Variants in PPARGC1A observed in about 807,000 individuals in gnomAD.
The protein encoded by PPARGC1A is PPARG coactivator 1 alpha.
PPARGC1A carries 25 observed loss-of-function variants against 88.7 expected under a neutral mutation model. The observed-to-expected ratio is 0.28, with a 90% CI of 0.21 to 0.39. The LOEUF is 0.39. Among genes scored for constraint, PPARGC1A ranks in the 10% least tolerant of loss-of-function variants. The pLI is 1.00. For missense variants in PPARGC1A, 880 were observed against 968.7 expected (o/e 0.91, Z 1.22); for synonymous variants, 363 against 355.6 (o/e 1.02, Z -0.24).
At chr4:23,932,606 TA>T in the PPARGC1A span, among the ~76,000 whole-genome samples, 1 of 151,734 alleles carries the variant, frequency 6.6e-6, no homozygotes. Flanking sequence ...AGTGTTTTTT[TA>T]AAAAAATAAA....
chr4:24,391,261 A>AT, the PPARGC1A span, among the ~76,000 whole-genome samples: 1 of 152,182 alleles, frequency 6.6e-6, no homozygotes, highest in Non-Finnish European at 1.5e-5. Context: ...CACGTGTTAC[A>AT]TACATATTCA....
At chr4:23,923,201 T>C in the PPARGC1A span, among the ~76,000 whole-genome samples, 1 of 150,612 alleles carries the variant, frequency 6.6e-6, no homozygotes, top group Admixed American at 6.7e-5. Context: ...TGGTTTTGAG[T>C]GTGAGGAAAG....
the PPARGC1A span, among the ~76,000 whole-genome samples, chr4:23,941,475 C>T: frequency 6.6e-6 from 1 of 152,068 alleles, no homozygotes; most frequent in South Asian, 2.1e-4. Context: ...ATCAGATGGG[C>T]CACTGATATA....
chr4:23,882,857 A>T (rs1403016835), intron 2 of PPARGC1A: 1 of 152,118 alleles, frequency 6.6e-6, no homozygotes, highest in Non-Finnish European at 1.5e-5. Context: ...ATATAGGGAC[A>T]TAAAAGTTAT....
chr4:24,457,832 G>A, the PPARGC1A span, among the ~76,000 whole-genome samples: 1 of 152,034 alleles, frequency 6.6e-6, no homozygotes, highest in African/African-American at 2.4e-5. Context: ...CAAAGTGCTG[G>A]GATTACAGGC....
At chr4:23,954,924 C>CTGCT in the PPARGC1A span, among the ~76,000 whole-genome samples, 1 of 152,060 alleles carries the variant, frequency 6.6e-6, no homozygotes, top group African/African-American at 2.4e-5. Flanking sequence ...TCCTGTTTTA[C>CTGCT]TGCTGTCTTG....
At chr4:24,024,176 C>T in the PPARGC1A span, among the ~76,000 whole-genome samples, 76 of 152,286 alleles carry the variant, frequency 5.0e-4, no homozygotes, top group Middle Eastern at 6.8e-3. Context: ...GGCTTCTGAT[C>T]CTGCCAGGAT....
At chr4:24,239,865 G>A in the PPARGC1A span, among the ~76,000 whole-genome samples, 1 of 152,100 alleles carries the variant, frequency 6.6e-6, no homozygotes, top group Non-Finnish European at 1.5e-5. Context: ...GGGAACGGGT[G>A]GGTTTGTGTT....
the PPARGC1A span, among the ~76,000 whole-genome samples, chr4:24,432,182 T>A: frequency 6.6e-6 from 1 of 152,098 alleles, no homozygotes; most frequent in African/African-American, 2.4e-5. Context: ...AGCAAAATTG[T>A]AAGGTAGCGG....
At chr4:23,998,655 A>G in the PPARGC1A span, among the ~76,000 whole-genome samples, 27,981 of 152,220 alleles carry the variant, frequency 0.18, 3,137 homozygotes, top group Admixed American at 0.34. Context: ...AAGTTAGAGT[A>G]CATGGGCCAG....
At chr4:23,991,888 A>G in the PPARGC1A span, among the ~76,000 whole-genome samples, 1 of 152,124 alleles carries the variant, frequency 6.6e-6, no homozygotes, top group East Asian at 1.9e-4. Flanking sequence ...AAAAATAGCA[A>G]GAAATCTTAG....
Position 23,814,605 on chromosome 4 carries a change from C to G in PPARGC1A, c.878G>C (p.Gly293Ala). Reference sequence around the variant, plus strand: ...AGGAGGAGTGGTGGGTGGAGTTAGGCCTAAGGCAAAAATTAAAAAAAAAAA... The same window carrying G: ...AGGAGGAGTGGTGGGTGGAGTTAGGGCTAAGGCAAAAATTAAAAAAAAAAA... ...TLSVELSGTA[G>A]LTPPTTPPHK... Residue 293 changes from glycine to alanine, a missense_variant and splice_region_variant, in exon 8 of 13, where the codon GGC becomes GCC. Physicochemically the swap from Gly to Ala is moderately conservative, Grantham distance 60. Transcript: ENST00000264867. 6.9e-7 allele frequency: 1 copy of G among 1,458,652 alleles called. No homozygotes were observed. Among genetic ancestry groups the G allele is most frequent in the Non-Finnish European group, 9.0e-7 (1 of 1,111,244 alleles). 90.4% of individuals were successfully genotyped at this position (1,458,652 alleles called of 1,614,324 possible).
chr4:24,421,359 G>A, the PPARGC1A span, among the ~76,000 whole-genome samples: 1 of 149,306 alleles, frequency 6.7e-6, no homozygotes, highest in Admixed American at 6.7e-5. Flanking sequence ...CGCCCAGGCT[G>A]GAGTGCAGTG....
chr4:24,177,420 A>G, the PPARGC1A span, among the ~76,000 whole-genome samples: 2 of 151,298 alleles, frequency 1.3e-5, no homozygotes, highest in African/African-American at 4.9e-5. Flanking sequence ...GAGCAATGAG[A>G]ACACACGGAC....
At chr4:23,995,085 T>C in the PPARGC1A span, among the ~76,000 whole-genome samples, 1 of 152,152 alleles carries the variant, frequency 6.6e-6, no homozygotes, top group Non-Finnish European at 1.5e-5. Flanking sequence ...TGGCAAGTTC[T>C]AGTTAAAAAC....
At chr4:24,450,035 C>T in the PPARGC1A span, among the ~76,000 whole-genome samples, 1 of 152,162 alleles carries the variant, frequency 6.6e-6, no homozygotes, top group Non-Finnish European at 1.5e-5. Flanking sequence ...CATAGGGCTT[C>T]TCAACAAAGA....
the PPARGC1A span, among the ~76,000 whole-genome samples, chr4:24,185,250 A>T: frequency 6.6e-6 from 1 of 152,198 alleles, no homozygotes; most frequent in Non-Finnish European, 1.5e-5. Flanking sequence ...ATAAATAAAT[A>T]AATAAACCTC....
chr4:24,420,019 T>G, the PPARGC1A span, among the ~76,000 whole-genome samples: 1 of 152,202 alleles, frequency 6.6e-6, no homozygotes. Context: ...AGTAATGAGA[T>G]TCTTCTTTTC....
the PPARGC1A span, among the ~76,000 whole-genome samples, chr4:24,281,751 C>A: frequency 6.6e-6 from 1 of 151,642 alleles, no homozygotes; most frequent in Non-Finnish European, 1.5e-5. Flanking sequence ...CTGTTTCTTC[C>A]CCCCCACCCC....
Sources: gnomAD v4.1 joint callset for allele counts (sites outside exome capture counted in the v4.1 genomes callset) on GRCh38, gnomAD v4.1.1 for gene constraint, MANE v1.5 for transcripts, NCBI Gene and HGNC (gene_info 2026-07-23, HGNC 2026-07-21) for gene names.